The following HDAC8 variants were observed in gnomAD, a reference collection of about 807,000 sequenced individuals.
The protein encoded by HDAC8 is histone deacetylase 8, also known as histone deacetylase-like 1.
A neutral mutation model predicts 32.2 loss-of-function variants in HDAC8; 1 was observed. The observed-to-expected ratio is 0.03, with a 90% CI of 0.01 to 0.15. The LOEUF (loss-of-function observed/expected upper bound fraction) is 0.15, where lower values mean the gene tolerates loss of function less well. Ranked by LOEUF, HDAC8 falls within the 10% of genes least tolerant of loss-of-function variation. The pLI is 1.00. For synonymous variants in HDAC8, 108 were observed against 113.9 expected (o/e 0.95, Z 0.33); for missense variants, 117 against 300.0 (o/e 0.39, Z 4.51).
At chrX:72,405,336 T>C (rs868952232) in intron 9 of HDAC8, among the ~76,000 whole-genome samples, 3 of 112,693 alleles carry the variant, frequency 2.7e-5, no homozygotes, top group Admixed American at 9.4e-5. Flanking sequence ...TGCATAGTAT[T>C]CCATGTACCA....
At chrX:72,514,180 T>C (rs1198130520) in intron 4 of HDAC8, among the ~76,000 whole-genome samples, 1 of 112,171 alleles carries the variant, frequency 8.9e-6, no homozygotes, top group Non-Finnish European at 1.9e-5. Flanking sequence ...TGGTTCTGAG[T>C]ACTGCAGGAT....
At chrX:72,398,268 C>T (rs2045813100) in intron 9 of HDAC8, among the ~76,000 whole-genome samples, 2 of 111,714 alleles carry the variant, frequency 1.8e-5, no homozygotes, top group Admixed American at 1.9e-4. Flanking sequence ...TTCAGGTTTC[C>T]TCTTCTGTGA....
At chrX:72,513,151 A>T (rs922230510) in intron 4 of HDAC8, among the ~76,000 whole-genome samples, 2 of 111,287 alleles carry the variant, frequency 1.8e-5, no homozygotes, top group Non-Finnish European at 3.8e-5. Context: ...TTTGTGCTCC[A>T]GCAGTTTATT....
chrX:72,559,403 G>A (rs2051420887), intron 4 of HDAC8, among the ~76,000 whole-genome samples: 1 of 110,428 alleles, frequency 9.1e-6, no homozygotes, highest in South Asian at 3.9e-4. Context: ...GTGCAGTGGC[G>A]TGATCTCTGC....
At chrX:72,429,130 T>C (rs1284018450) in intron 9 of HDAC8, among the ~76,000 whole-genome samples, 2 of 108,781 alleles carry the variant, frequency 1.8e-5, no homozygotes, top group African/African-American at 3.4e-5. Flanking sequence ...TCTAAGGAAA[T>C]ATTATTTTCT....
At chrX:72,485,095 C>G (rs1447715467) in intron 7 of HDAC8, among the ~76,000 whole-genome samples, 1 of 110,993 alleles carries the variant, frequency 9.0e-6, no homozygotes, top group African/African-American at 3.3e-5. Flanking sequence ...CAGGTTTAGG[C>G]CTTCACATAC....
intron 4 of HDAC8, among the ~76,000 whole-genome samples, chrX:72,501,132 A>G (rs921093970): frequency 8.9e-6 from 1 of 112,017 alleles, no homozygotes; most frequent in Admixed American, 9.5e-5. Flanking sequence ...GACACAAACA[A>G]ATGGAAAAAC....
chrX:72,404,024 GAATAA>G (rs1373940448), intron 9 of HDAC8, among the ~76,000 whole-genome samples: 2 of 111,304 alleles, frequency 1.8e-5, no homozygotes, highest in African/African-American at 3.3e-5. Flanking sequence ...ATTGTTTAAT[GAATAA>G]AATAAACAAA....
intron 5 of HDAC8, among the ~76,000 whole-genome samples, 191 bp downstream of exon 5, chrX:72,494,965 T>C (rs1362417994): frequency 1.8e-5 from 2 of 111,402 alleles, no homozygotes; most frequent in East Asian, 5.6e-4. Flanking sequence ...AAGAGGAAAT[T>C]ACAGGAGCCT....
At chrX:72,505,083 AT>A (rs1347682106) in intron 4 of HDAC8, among the ~76,000 whole-genome samples, 1 of 110,159 alleles carries the variant, frequency 9.1e-6, no homozygotes, top group Non-Finnish European at 1.9e-5. Context: ...AAATTTAAAA[AT>A]TTTTTAATTT....
At chrX:72,440,765 G>A (rs1417853264) in intron 9 of HDAC8, among the ~76,000 whole-genome samples, 2 of 112,039 alleles carry the variant, frequency 1.8e-5, no homozygotes, top group Admixed American at 1.9e-4. Context: ...GGGTCAGGGA[G>A]TTCCCTTTCC....
intron 7 of HDAC8, among the ~76,000 whole-genome samples, chrX:72,479,650 T>A (rs1330653294): frequency 8.9e-6 from 1 of 111,903 alleles, no homozygotes; most frequent in African/African-American, 3.2e-5. Context: ...TGAAACAATA[T>A]ACCTATGAAG....
At chrX:72,549,893 A>G (rs1556065474) in intron 4 of HDAC8, among the ~76,000 whole-genome samples, 1 of 111,912 alleles carries the variant, frequency 8.9e-6, no homozygotes. Flanking sequence ...CTCTATGGAC[A>G]GTCACTGTCC....
chrX:72,399,532 A>G (rs781950485), intron 9 of HDAC8, among the ~76,000 whole-genome samples: 1 of 112,460 alleles, frequency 8.9e-6, no homozygotes, highest in South Asian at 3.7e-4. Context: ...TGGAATTACA[A>G]TGACTATATT....
chrX:72,528,096 C>G (rs1264642526), intron 4 of HDAC8, among the ~76,000 whole-genome samples: 1 of 110,819 alleles, frequency 9.0e-6, no homozygotes. Context: ...TCCTCTTAGC[C>G]CTAGGTACAG....
At chrX:72,426,925 C>T (rs181470318) in intron 9 of HDAC8, among the ~76,000 whole-genome samples, 17 of 109,729 alleles carry the variant, frequency 1.5e-4, no homozygotes, top group African/African-American at 5.3e-4. Context: ...AGATTTTCTT[C>T]TCTCTCTCTG....
intron 10 of HDAC8, among the ~76,000 whole-genome samples, chrX:72,330,278 C>T (rs2043480008): frequency 9.0e-6 from 1 of 111,356 alleles, no homozygotes; most frequent in African/African-American, 3.3e-5. Flanking sequence ...TCCCTGTCAC[C>T]CAGGCAACCA....
At chrX:72,423,331 C>T (rs2046544714) in intron 9 of HDAC8, among the ~76,000 whole-genome samples, 2 of 111,942 alleles carry the variant, frequency 1.8e-5, no homozygotes, top group African/African-American at 6.5e-5. Context: ...CTCACCCTTT[C>T]CTGTTTCCAA....
intron 9 of HDAC8, among the ~76,000 whole-genome samples, chrX:72,357,611 T>C (rs1181911018): frequency 9.0e-6 from 1 of 110,595 alleles, no homozygotes; most frequent in Admixed American, 9.6e-5. Flanking sequence ...GCAAAGTCAG[T>C]GGAGGGTGGG....
Sources: allele counts gnomAD v4.1 joint callset (sites outside exome capture counted in the v4.1 genomes callset), GRCh38; gene constraint gnomAD v4.1.1; transcripts MANE v1.5; gene names NCBI Gene and HGNC (gene_info 2026-07-23, HGNC 2026-07-21).